Variants in ALG6 observed in about 807,000 individuals in gnomAD.
ALG6 encodes the protein dolichyl pyrophosphate Man9GlcNAc2 alpha-1,3-glucosyltransferase.
ALG6 carries 46 observed loss-of-function variants against 66.6 expected under a neutral mutation model. The observed-to-expected ratio is 0.69, with a 90% confidence interval of 0.55 to 0.88. The LOEUF is 0.88. Ranked by LOEUF, ALG6 falls within the 40% of genes least tolerant of loss-of-function variation. ALG6 has a pLI of 0.00. For missense variants in ALG6, 505 were observed against 586.8 expected (o/e 0.86, Z 1.44); for synonymous variants, 185 against 203.7 (o/e 0.91, Z 0.78).
At chr1:63,405,196 A>G (rs1644484231) in intron 5 of ALG6, among the ~76,000 whole-genome samples, 1 of 152,030 alleles carries the variant, frequency 6.6e-6, no homozygotes, top group African/African-American at 2.4e-5. Context: ...CTTAGGCCCA[A>G]GAGATAACCT....
chr1:63,431,851 C>T (rs1247217756), intron 14 of ALG6, among the ~76,000 whole-genome samples: 4 of 152,030 alleles, frequency 2.6e-5, no homozygotes, highest in Admixed American at 1.3e-4. Flanking sequence ...CTACTATATA[C>T]AAATATATTT....
Position 63,381,553 on chromosome 1 carries a change from G to A in ALG6, c.82+10494G>A, listed in dbSNP as rs184582655. Among the ~76,000 whole-genome samples, 91 of 152,206 alleles carry A rather than the reference G, an allele frequency of 6.0e-4. 2 individuals carry two copies. Among genetic ancestry groups the A allele is most frequent in the Admixed American group, 5.9e-3 (90 of 15,270 alleles). The stretch of plus-strand genomic sequence containing the variant: ...CAGCTACTGATAGTGGGGGCTGAGG[G>A]GGGATCCCTTGAGCCCAGAAGGTCA... On this transcript the variant is annotated intron_variant, in intron 2 of 14. Coordinates refer to ENST00000263440, the MANE Select transcript of ALG6 (RefSeq NM_013339.4).
At chr1:63,399,050 G>A (rs1219878703) in intron 3 of ALG6, among the ~76,000 whole-genome samples, 1 of 152,106 alleles carries the variant, frequency 6.6e-6, no homozygotes, top group Non-Finnish European at 1.5e-5. Context: ...CTTATCAGAG[G>A]CTCAAATGGA....
chr1:63,398,770 T>C (rs546144827), intron 3 of ALG6, among the ~76,000 whole-genome samples: 103 of 152,304 alleles, frequency 6.8e-4, no homozygotes, highest in African/African-American at 2.4e-3. Flanking sequence ...CCACCGTGCC[T>C]GGCCGATAAT....
At position 63,400,249 on chromosome 1, in the gene ALG6, ATATATG is replaced by A. The variant is rs1372821592; in HGVS notation, c.168-1999_168-1994del. Among the ~76,000 whole-genome samples, 31 of 7,090 alleles carry A rather than the reference ATATATG, an allele frequency of 4.4e-3. 4 individuals carry two copies. The highest frequency in any genetic ancestry group is 0.023 in the South Asian group (2 of 86). The allele number at this position is 7,090 out of a possible 152,430, so 4.7% of individuals were successfully genotyped here. On this transcript the variant is annotated intron_variant, in intron 3 of 14. Transcript: ENST00000263440. The stretch of plus-strand genomic sequence containing the variant: ...TATATATATATATATATATACGTAT[ATATATG>A]TATATATATATACGTATATATATAT...
chr1:63,403,212 T>C (rs1459154458), intron 4 of ALG6, among the ~76,000 whole-genome samples: 1 of 152,102 alleles, frequency 6.6e-6, no homozygotes, highest in Non-Finnish European at 1.5e-5. Flanking sequence ...AGTAGAGATG[T>C]TATCCATATG....
At chr1:63,371,326 T>C (rs1398956922) in intron 2 of ALG6, 2 of 428,340 alleles carry the variant, frequency 4.7e-6, no homozygotes, top group Non-Finnish European at 8.6e-6. Context: ...GTATTAAACA[T>C]TGAAGAGGAA....
Position 63,437,109 on chromosome 1 carries a change from GA to G in ALG6, c.*92del. The G allele has an allele frequency of 8.7e-7, 1 of 1,155,970 alleles. No homozygotes were observed. Among genetic ancestry groups the G allele is most frequent in the Non-Finnish European group, 1.3e-6 (1 of 799,590 alleles). 71.6% of individuals were successfully genotyped at this position (1,155,970 alleles called of 1,614,324 possible). ...TGTGAACTTTTTGCTATGTATAAAT[GA>G]AATTACCATTTTGAGAACCATGGAA... On this transcript the variant is annotated 3_prime_UTR_variant, in exon 15 of 15. Coordinates refer to ENST00000263440, the MANE Select transcript of ALG6 (RefSeq NM_013339.4).
At chr1:63,432,095 G>T (rs1406815545) in intron 14 of ALG6, among the ~76,000 whole-genome samples, 1 of 152,178 alleles carries the variant, frequency 6.6e-6, no homozygotes, top group Non-Finnish European at 1.5e-5. Context: ...TAGAGGGAAA[G>T]CATCTGGTCT....
rs902583622 is a variant in ALG6, at chr1:63,433,360, G to A, written c.1327-3463G>A. Among the ~76,000 whole-genome samples the A allele has an allele frequency of 3.3e-5, 5 of 151,962 alleles. No homozygotes were observed. Among genetic ancestry groups the A allele is most frequent in the Non-Finnish European group, 7.4e-5 (5 of 67,978 alleles). ...GGGGAGTGTAGGGGAAGGTTTCAAA[G>A]GAGATATTTTATATTTAGATCTTGT... is the stretch of plus-strand genomic sequence containing the variant. On this transcript the variant is annotated intron_variant, in intron 14 of 14. Coordinates refer to ENST00000263440, the MANE Select transcript of ALG6 (RefSeq NM_013339.4). The surrounding 1 kb of genome is among the most constrained non-coding windows in gnomAD (Gnocchi z 4.2).
chr1:63,387,876 C>T (rs1264671427), intron 2 of ALG6, among the ~76,000 whole-genome samples: 1 of 151,952 alleles, frequency 6.6e-6, no homozygotes, highest in African/African-American at 2.4e-5. Context: ...GTCTTGAAAT[C>T]TGTTTTGTCT....
intron 2 of ALG6, among the ~76,000 whole-genome samples, chr1:63,371,636 G>A (rs1263183044): frequency 2.0e-5 from 3 of 151,308 alleles, no homozygotes; most frequent in Admixed American, 6.6e-5. Flanking sequence ...ACGGAGCCTC[G>A]CTGTGTCGCC....
intron 2 of ALG6, among the ~76,000 whole-genome samples, chr1:63,381,946 A>AGGCACT (rs1648323863): frequency 6.6e-6 from 1 of 152,142 alleles, no homozygotes; most frequent in African/African-American, 2.4e-5. Context: ...TGTGATCATC[A>AGGCACT]GGCACTGTAA....
rs1355913199 is a variant in ALG6 at position 63,429,092 on chromosome 1, G to A, written c.1292G>A (p.Cys431Tyr). Residue 431 changes from cysteine (C) to tyrosine (Y), a missense_variant, in exon 14 of 15, where the codon TGT becomes TAT. By Grantham distance (194) the Cys-to-Tyr change is radical (BLOSUM62 -2). Coordinates refer to ENST00000263440, the MANE Select transcript of ALG6 (RefSeq NM_013339.4). Reference protein sequence around the residue: ...FSISVRKYLPCFTFLSRIIQY... With the variant: ...FSISVRKYLPYFTFLSRIIQY... ...ATTTCTGTGAGGAAATATCTTCCATGTTTTACATTTCTTTCCAGAATTATA... is the reference window on the plus strand; with the variant it reads ...ATTTCTGTGAGGAAATATCTTCCATATTTTACATTTCTTTCCAGAATTATA... 3.7e-6 allele frequency: 6 copies of A among 1,603,112 alleles called. No homozygotes were observed. Among genetic ancestry groups the A allele is most frequent in the Non-Finnish European group, 5.1e-6 (6 of 1,174,176 alleles).
At chr1:63,388,099 A>G (rs536797547) in intron 2 of ALG6, among the ~76,000 whole-genome samples, 108 of 149,344 alleles carry the variant, frequency 7.2e-4, no homozygotes, top group African/African-American at 2.5e-3. Context: ...TTGTATTTTT[A>G]GTAGAGACGA....
At chr1:63,399,650 G>A (rs6680496) in intron 3 of ALG6, among the ~76,000 whole-genome samples, 24,442 of 152,020 alleles carry the variant, frequency 0.16, 2,337 homozygotes, top group South Asian at 0.22. Context: ...CAACTTTTCT[G>A]TAACTTTGAA....
At position 63,411,955 on chromosome 1, in the gene ALG6, T is replaced by C; in HGVS notation, c.710T>C (p.Ile237Thr). 6.2e-7 allele frequency: 1 copy of C among 1,614,174 alleles called. No individual in the cohort carries two copies. The highest frequency in any genetic ancestry group is 8.5e-7 in the Non-Finnish European group (1 of 1,180,006). Residue 237 changes from isoleucine (I) to threonine (T), a missense_variant, in exon 9 of 15, where the codon ATT becomes ACT. By Grantham distance (89) the Ile-to-Thr change is moderately conservative (BLOSUM62 -1). Transcript: ENST00000263440. ...GTGTTGCTAGTTAAGCTAGCTTGTA[T>C]TGTTGTGGCTTCCTTCGTTCTCTGC... The part of the protein sequence containing the change: ...GFVLLVKLAC[I>T]VVASFVLCWL...
At position 63,436,895 on chromosome 1, in the gene ALG6, C is replaced by T. The variant is rs752244400; in HGVS notation, c.1399C>T (p.Pro467Ser). 2.0e-5 allele frequency: 32 copies of T among 1,613,864 alleles called. No individual in the cohort carries two copies. Among genetic ancestry groups the T allele is most frequent in the Non-Finnish European group, 2.5e-5 (30 of 1,179,822 alleles). Reference sequence around the variant, plus strand: ...CACACTGGATCCTCCTCAGAAACTACCGGACTTGTTTTCTGTATTGGTGTG... The same window carrying T: ...CACACTGGATCCTCCTCAGAAACTATCGGACTTGTTTTCTGTATTGGTGTG... The part of the protein sequence containing the change: ...TVTLDPPQKL[P>S]DLFSVLVCFV... The change falls in exon 15 of 15, where the codon CCG becomes TCG. Residue 467 changes from proline to serine, a missense_variant. Pro to Ser is a moderately conservative substitution (Grantham distance 74, BLOSUM62 -1). Transcript: ENST00000263440.
chr1:63,428,024 G>A (rs948686130), intron 12 of ALG6, among the ~76,000 whole-genome samples: 3 of 151,950 alleles, frequency 2.0e-5, no homozygotes, highest in African/African-American at 7.3e-5. Flanking sequence ...TGGCCAGGCT[G>A]GTCTCGAACT....
Sources: allele counts gnomAD v4.1 joint callset (sites outside exome capture counted in the v4.1 genomes callset), GRCh38; gene constraint gnomAD v4.1.1; non-coding constraint Gnocchi (gnomAD v3.1); transcripts MANE v1.5; gene names NCBI Gene and HGNC (gene_info 2026-07-23, HGNC 2026-07-21).